Variants in AP3M2 observed in about 807,000 individuals in gnomAD.
AP3M2 encodes adaptor related protein complex 3 subunit mu 2.
A neutral mutation model predicts 41.6 loss-of-function variants in AP3M2; 28 were observed. The observed-to-expected ratio is 0.67, with a 90% CI of 0.50 to 0.92. AP3M2 has a LOEUF of 0.92. Among genes scored for constraint, AP3M2 ranks in the 40% least tolerant of loss-of-function variants. AP3M2 has a pLI of 0.00. For synonymous variants in AP3M2, 193 were observed against 186.4 expected (o/e 1.04, Z -0.29); for missense variants, 427 against 521.4 (o/e 0.82, Z 1.76).
At chr8:42,158,925 CT>C (rs1323524757) in intron 3 of AP3M2, among the ~76,000 whole-genome samples, 1 of 152,102 alleles carries the variant, frequency 6.6e-6, no homozygotes, top group African/African-American at 2.4e-5. Flanking sequence ...TCCCGAGTAG[CT>C]GGGATTACAG....
chr8:42,167,240 A>T lies in AP3M2; in HGVS notation c.880A>T (p.Thr294Ser). 1.2e-6 allele frequency: 2 copies of T among 1,614,106 alleles called. No individual in the cohort carries two copies. The highest frequency in any genetic ancestry group is 1.7e-6 in the Non-Finnish European group (2 of 1,180,022). ...DSSSLGRFEI[T>S]VGPKQTMGKT... is the part of the protein sequence containing the mutation. ...TAGTTCCCTTGGACGCTTTGAAATA[A>T]CGGTGGGACCCAAGCAGACGATGGG... is the stretch of plus-strand genomic sequence containing the variant. The change falls in exon 7 of 9, where the codon ACG becomes TCG. Residue 294 changes from threonine (T) to serine (S), a missense_variant. This residue lies in a region of AP3M2 where 237 missense variants were observed against 284.9 expected (regional missense o/e 0.83). Coordinates refer to ENST00000396926, the MANE Select transcript of AP3M2 (RefSeq NM_006803.4).
chr8:42,155,906 C>T (rs1288613440), intron 2 of AP3M2: 1 of 448,392 alleles, frequency 2.2e-6, no homozygotes, highest in Admixed American at 2.4e-5. Context: ...CATATCTGCA[C>T]CACGTCTAGA....
At chr8:42,157,809 C>A in intron 2 of AP3M2, 132 bp from the exon 3 acceptor site, 1 of 791,904 alleles carries the variant, frequency 1.3e-6, no homozygotes, top group Non-Finnish European at 1.9e-6. Context: ...ATGCTGCATT[C>A]CCTCGTTGTA....
rs1278723528 is a variant in AP3M2, at chr8:42,154,856, T to C, written c.169T>C (p.Leu57=). ...TATCCCTACCCCTCACCACTATCTC[T>C]TAAGTGTTTACCGCCACAAGATCTT... The part of the protein sequence containing the change: ...PVIPTPHHYL[L]SVYRHKIFFV... Residue 57 remains leucine (L), a synonymous_variant, in exon 2 of 9, where the codon TTA becomes CTA. Transcript: ENST00000396926. 1 of 1,614,148 alleles carries C rather than the reference T, an allele frequency of 6.2e-7. No homozygotes were observed. Among genetic ancestry groups the C allele is most frequent in the Non-Finnish European group, 8.5e-7 (1 of 1,180,026 alleles).
rs1804530232 is a variant in AP3M2, at chr8:42,162,397, G to A, written c.562G>A (p.Asp188Asn). The change falls in exon 4 of 9, where the codon GAT becomes AAT. Residue 188 changes from aspartate (D) to asparagine (N), a missense_variant. Transcript: ENST00000396926. ...CTATTTTGATGTGATTGAAGAGATT[G>A]ATGCAATTATTGATAAATCAGGTAG... is the stretch of plus-strand genomic sequence containing the variant. The part of the protein sequence containing the change: ...EAYFDVIEEI[D>N]AIIDKSGSTI... 6.2e-7 allele frequency: 1 copy of A among 1,606,694 alleles called. No homozygotes were observed. The highest frequency in any genetic ancestry group is 1.3e-5 in the African/African-American group (1 of 74,512).
At chr8:42,157,037 A>C (rs1804372599) in intron 2 of AP3M2, among the ~76,000 whole-genome samples, 1 of 152,224 alleles carries the variant, frequency 6.6e-6, no homozygotes, top group Non-Finnish European at 1.5e-5. Context: ...ATTTTCCTTC[A>C]TTCTATGAGT....
At chr8:42,155,068 C>T in intron 2 of AP3M2, 108 bp downstream of exon 2, 1 of 932,186 alleles carries the variant, frequency 1.1e-6, no homozygotes, top group Non-Finnish European at 1.6e-6. Flanking sequence ...AAAATCAAAA[C>T]TCTGGTATTA....
rs1240183038 is a variant in AP3M2, at chr8:42,171,132, G to T, written c.*2071G>T. The T allele has an allele frequency of 6.6e-6, 1 of 152,232 alleles. No individual in the cohort carries two copies. Among genetic ancestry groups the T allele is most frequent in the African/African-American group, 2.4e-5 (1 of 41,454 alleles). 9.4% of individuals were successfully genotyped at this position (152,232 alleles called of 1,614,324 possible). A position where few individuals can be genotyped will look rare whatever the true frequency, so the allele number is the denominator to read the frequency against. On this transcript the variant is annotated 3_prime_UTR_variant, in exon 9 of 9. Transcript: ENST00000396926. ...GTTTGGTTCCATGTGTGTTTAACAT[G>T]TGCAGAAGTAGCTTCTCTGTTTAAG...
At chr8:42,156,965 G>C (rs1804370538) in intron 2 of AP3M2, among the ~76,000 whole-genome samples, 1 of 152,160 alleles carries the variant, frequency 6.6e-6, no homozygotes, top group Non-Finnish European at 1.5e-5. Context: ...TTTAGCAAAA[G>C]AAAGAACTTT....
chr8:42,153,743 T>G (rs1218499367), intron 1 of AP3M2: 2 of 152,098 alleles, frequency 1.3e-5, no homozygotes, highest in Non-Finnish European at 2.9e-5. Flanking sequence ...TCCAGCGGTC[T>G]GCCCGCGGAG....
At chr8:42,157,213 A>G (rs769440276) in intron 2 of AP3M2, among the ~76,000 whole-genome samples, 1 of 152,222 alleles carries the variant, frequency 6.6e-6, no homozygotes. Flanking sequence ...TTAGTGTTTA[A>G]TTAGTCATGC....
intron 1 of AP3M2, 128 bp from the exon 2 acceptor site, chr8:42,154,488 C>T (rs1804300895): frequency 1.5e-6 from 1 of 659,980 alleles, no homozygotes; most frequent in Non-Finnish European, 2.5e-6. Flanking sequence ...GGAGGGCTAT[C>T]TTCAGGCTCA....
chr8:42,160,393 A>G (rs986129326), intron 3 of AP3M2, among the ~76,000 whole-genome samples: 3 of 151,162 alleles, frequency 2.0e-5, no homozygotes, highest in Admixed American at 1.3e-4. Flanking sequence ...GTCATTTATC[A>G]AATCAGTGGA....
chr8:42,166,474 T>G (rs1804639141), intron 6 of AP3M2, among the ~76,000 whole-genome samples: 1 of 151,004 alleles, frequency 6.6e-6, no homozygotes, highest in Non-Finnish European at 1.5e-5. Context: ...ATGGGGTTTT[T>G]GTAAGGACCA....
chr8:42,156,351 T>G (rs915463437), intron 2 of AP3M2, among the ~76,000 whole-genome samples: 5 of 152,212 alleles, frequency 3.3e-5, no homozygotes, highest in Admixed American at 2.6e-4. Flanking sequence ...TAAAAGTCAG[T>G]GGACATCCTG....
At chr8:42,157,117 G>A (rs1245817025) in intron 2 of AP3M2, among the ~76,000 whole-genome samples, 1 of 152,182 alleles carries the variant, frequency 6.6e-6, no homozygotes, top group Non-Finnish European at 1.5e-5. Context: ...AGGGAACATT[G>A]AATAGCCACA....
rs1278478400 is a variant in AP3M2, at chr8:42,171,076, C to T, written c.*2015C>T. The T allele has an allele frequency of 6.6e-6, 1 of 152,258 alleles. No individual in the cohort carries two copies. Among genetic ancestry groups the T allele is most frequent in the African/African-American group, 2.4e-5 (1 of 41,468 alleles). 9.4% of individuals were successfully genotyped at this position (152,258 alleles called of 1,614,324 possible). On this transcript the variant is annotated 3_prime_UTR_variant, in exon 9 of 9. Transcript: ENST00000396926. Reference sequence around the variant, plus strand: ...GCTGCCGCCATTCCTGCAGCATCACCATAAGCAGTGCAGGGTGTCTCCATC... The same window carrying T: ...GCTGCCGCCATTCCTGCAGCATCACTATAAGCAGTGCAGGGTGTCTCCATC...
rs1008186299 is a variant in AP3M2 at position 42,169,747 on chromosome 8, A to T, written c.*686A>T. The stretch of plus-strand genomic sequence containing the variant: ...CCCAGTGGAATCAGATTTTCCCTCA[A>T]AGACCATGATGGTATCGGACTAGTT... On this transcript the variant is annotated 3_prime_UTR_variant, in exon 9 of 9. Transcript: ENST00000396926. The T allele has an allele frequency of 6.6e-6, 1 of 152,206 alleles. No homozygotes were observed. The highest frequency in any genetic ancestry group is 1.5e-5 in the Non-Finnish European group (1 of 68,052). 9.4% of individuals were successfully genotyped at this position (152,206 alleles called of 1,614,324 possible). A position where few individuals can be genotyped will look rare whatever the true frequency, so the allele number is the denominator to read the frequency against.
At chr8:42,168,066 G>T in intron 8 of AP3M2, 1 of 580,310 alleles carries the variant, frequency 1.7e-6, no homozygotes. Flanking sequence ...GTAGAAGGAA[G>T]TATTCACTAG....
Sources: gnomAD v4.1 joint callset for allele counts (sites outside exome capture counted in the v4.1 genomes callset) on GRCh38, gnomAD v4.1.1 for gene constraint, gnomAD v4.1.1 regional missense constraint, MANE v1.5 for transcripts, NCBI Gene and HGNC (gene_info 2026-07-23, HGNC 2026-07-21) for gene names.